TMEM245: variants seen among roughly 807,000 people sequenced by gnomAD.
TMEM245 encodes protein CG-2.
TMEM245 carries 69 observed loss-of-function variants against 101.2 expected under a neutral mutation model. That is an observed-to-expected ratio of 0.68 (90% CI 0.56 to 0.83). The LOEUF is 0.83. Among genes scored for constraint, TMEM245 ranks in the 40% least tolerant of loss-of-function variants. The pLI is 0.00. For synonymous variants in TMEM245, 537 were observed against 449.8 expected (o/e 1.19, Z -2.45); for missense variants, 1,075 against 1,092.8 (o/e 0.98, Z 0.23).
intron 1 of TMEM245, among the ~76,000 whole-genome samples, chr9:109,117,875 T>C (rs1294992586): frequency 1.3e-5 from 2 of 152,262 alleles, no homozygotes; most frequent in African/African-American, 2.4e-5. Context: ...TCTTAGAACA[T>C]AGTGTTCTGC....
At chr9:109,082,781 A>G (rs1829705054) in intron 7 of TMEM245, among the ~76,000 whole-genome samples, 1 of 152,300 alleles carries the variant, frequency 6.6e-6, no homozygotes, top group East Asian at 1.9e-4. Flanking sequence ...AGGTACATTA[A>G]CATTACAATA....
chr9:109,056,302 A>T (rs1828833559), intron 12 of TMEM245, among the ~76,000 whole-genome samples: 1 of 151,978 alleles, frequency 6.6e-6, no homozygotes, highest in African/African-American at 2.4e-5. Context: ...TTTGATAAAA[A>T]TTAAATTTAG....
intron 16 of TMEM245, among the ~76,000 whole-genome samples, chr9:109,035,439 G>T (rs530215756): frequency 3.9e-5 from 6 of 152,012 alleles, no homozygotes; most frequent in Non-Finnish European, 7.4e-5. Flanking sequence ...TTTATTTATT[G>T]TATTATATGG....
At chr9:109,095,201 G>C (rs1830107287) in intron 3 of TMEM245, among the ~76,000 whole-genome samples, 2 of 152,186 alleles carry the variant, frequency 1.3e-5, no homozygotes, top group Admixed American at 1.3e-4. Flanking sequence ...CTCCTGGCCT[G>C]TGTATCCAAG....
Position 109,050,570 on chromosome 9 carries a change from CAG to C in TMEM245, c.1975_1976del (p.Leu659AspfsTer15), listed in dbSNP as rs781080443. ...GTALLNFVLS[L>X]IIFLTTLFYL... ...CGTGTACTTATCTATGTGGACGTAC[CAG>C]AGAGAGTACAAAATTGAGAAGGGCT... On this transcript the variant is annotated frameshift_variant and splice_region_variant, in exon 13 of 18. Transcript: ENST00000374586. LOFTEE classifies it high-confidence loss of function. 6.2e-7 allele frequency: 1 copy of C among 1,613,656 alleles called. No individual in the cohort carries two copies.
At chr9:109,038,683 T>C (rs561182747) in intron 14 of TMEM245, 3 of 152,218 alleles carry the variant, frequency 2.0e-5, no homozygotes, top group African/African-American at 7.2e-5. Flanking sequence ...TCAAAGAAAG[T>C]AGGTCATTGG....
chr9:109,027,636 T>G (rs532548706), intron 17 of TMEM245, among the ~76,000 whole-genome samples: 23 of 152,156 alleles, frequency 1.5e-4, no homozygotes, highest in Admixed American at 1.4e-3. Context: ...CATATTATGG[T>G]AACACATATC....
chr9:109,040,280 GAA>G (rs1446112488), intron 14 of TMEM245, among the ~76,000 whole-genome samples: 1 of 152,070 alleles, frequency 6.6e-6, no homozygotes, highest in East Asian at 1.9e-4. Flanking sequence ...CAATTTACCA[GAA>G]AACAGAATTT....
At chr9:109,104,614 G>C (rs911757562) in intron 3 of TMEM245, among the ~76,000 whole-genome samples, 1 of 152,302 alleles carries the variant, frequency 6.6e-6, no homozygotes, top group East Asian at 1.9e-4. Context: ...GAAGAACAAA[G>C]TTGGAGAACT....
chr9:109,043,021 G>A (rs529220388), intron 14 of TMEM245, among the ~76,000 whole-genome samples: 8 of 151,684 alleles, frequency 5.3e-5, no homozygotes, highest in Admixed American at 2.0e-4. Flanking sequence ...GCCAACCACT[G>A]TTATGTGCTG....
intron 9 of TMEM245, among the ~76,000 whole-genome samples, chr9:109,069,998 G>A (rs1042582516): frequency 2.0e-5 from 3 of 152,132 alleles, no homozygotes; most frequent in Non-Finnish European, 2.9e-5. Context: ...GTCTCAAAAC[G>A]TTCTCTTTCC....
intron 17 of TMEM245, among the ~76,000 whole-genome samples, chr9:109,026,724 G>A (rs532400722): frequency 4.3e-4 from 65 of 151,450 alleles, no homozygotes; most frequent in African/African-American, 1.5e-3. Context: ...TAATGTTGAA[G>A]GTGAGGCCTA....
rs2132697804 is a variant in TMEM245 at position 109,119,480 on chromosome 9, C to G, written c.434G>C (p.Arg145Pro). 1.3e-6 allele frequency: 2 copies of G among 1,484,234 alleles called. No individual in the cohort carries two copies. Among genetic ancestry groups the G allele is most frequent in the Non-Finnish European group, 1.8e-6 (2 of 1,128,168 alleles). The allele number at this position is 1,484,234 out of a possible 1,614,324, so 91.9% of individuals were successfully genotyped here. A position where few individuals can be genotyped will look rare whatever the true frequency, so the allele number is the denominator to read the frequency against. ...GCCGAGCAGCAGGAGCAGGCGGCGG[C>G]GGCGCAGCGCCTGCTCGCCCAGGGC... ...VEALGEQALR[R>P]RRLLLLLGAG... The change falls in exon 1 of 18, where the codon CGC (arginine) becomes CCC (proline). Residue 145 changes from arginine (R) to proline (P), a missense_variant. Physicochemically the swap from Arg to Pro is moderately radical, Grantham distance 103. Transcript: ENST00000374586.
intron 5 of TMEM245, among the ~76,000 whole-genome samples, chr9:109,088,425 G>A (rs1829903694): frequency 1.3e-5 from 2 of 152,134 alleles, no homozygotes; most frequent in Admixed American, 6.5e-5. Flanking sequence ...AGAAGGTTAA[G>A]CTATAACTAA....
At chr9:109,112,907 C>A (rs1473814090) in intron 1 of TMEM245, among the ~76,000 whole-genome samples, 6 of 152,086 alleles carry the variant, frequency 3.9e-5, no homozygotes, top group Admixed American at 3.9e-4. Context: ...GAAACCCCGT[C>A]TCTACTAAAA....
chr9:109,024,466 A>C (rs766486523), intron 17 of TMEM245, among the ~76,000 whole-genome samples: 1 of 152,228 alleles, frequency 6.6e-6, no homozygotes, highest in East Asian at 1.9e-4. Flanking sequence ...GTAAAGTTAG[A>C]TATAGCTCCC....
intron 17 of TMEM245, among the ~76,000 whole-genome samples, chr9:109,026,777 GT>G (rs1419361822): frequency 2.0e-5 from 3 of 151,706 alleles, no homozygotes. Flanking sequence ...CTCATGAATG[GT>G]TTGGTGCCCT....
At chr9:109,090,787 T>A in intron 5 of TMEM245, 135 bp downstream of exon 5, 3 of 732,166 alleles carry the variant, frequency 4.1e-6, no homozygotes, top group Non-Finnish European at 6.5e-6. Context: ...GTTTGTTTAC[T>A]ATTTAAATGC....
intron 12 of TMEM245, among the ~76,000 whole-genome samples, chr9:109,054,041 T>G (rs1828764238): frequency 6.6e-6 from 1 of 152,074 alleles, no homozygotes; most frequent in Non-Finnish European, 1.5e-5. Flanking sequence ...AATACAACAA[T>G]AATTATTGGC....
Sources: allele counts gnomAD v4.1 joint callset (sites outside exome capture counted in the v4.1 genomes callset), GRCh38; gene constraint gnomAD v4.1.1; transcripts MANE v1.5; gene names NCBI Gene and HGNC (gene_info 2026-07-23, HGNC 2026-07-21).